The following CACNA2D2 variants were observed in gnomAD, a reference collection of about 807,000 sequenced individuals.
CACNA2D2 encodes voltage-dependent calcium channel subunit alpha-2/delta-2.
CACNA2D2 carries 48 observed loss-of-function variants against 166.4 expected under a neutral mutation model. That is an observed-to-expected ratio of 0.29 (90% CI 0.23 to 0.37). CACNA2D2 has a LOEUF of 0.37. Among genes scored for constraint, CACNA2D2 ranks in the 10% least tolerant of loss-of-function variants. The pLI is 1.00. For synonymous variants in CACNA2D2, 561 were observed against 573.7 expected, an observed-to-expected ratio of 0.98 and a Z score of 0.32; for missense variants, 1,122 against 1,433.0, an observed-to-expected ratio of 0.78 and a Z score of 3.50.
At chr3:50,447,226 A>C (rs1323971926) in intron 2 of CACNA2D2, among the ~76,000 whole-genome samples, 1 of 152,096 alleles carries the variant, frequency 6.6e-6, no homozygotes, top group Non-Finnish European at 1.5e-5. Flanking sequence ...GAATTCTGAG[A>C]AACTGTAAGG....
intron 2 of CACNA2D2, 105 bp from the exon 3 acceptor site, chr3:50,434,534 C>A: frequency 1.2e-6 from 1 of 809,514 alleles, no homozygotes; most frequent in Non-Finnish European, 2.1e-6. Context: ...AGTATTCACC[C>A]GCACCCAGAC....
At chr3:50,467,581 G>T (rs1213287029) in intron 2 of CACNA2D2, among the ~76,000 whole-genome samples, 1 of 152,180 alleles carries the variant, frequency 6.6e-6, no homozygotes, top group Non-Finnish European at 1.5e-5. Context: ...GCCCGCCTGC[G>T]TGTGTGCATA....
intron 1 of CACNA2D2, among the ~76,000 whole-genome samples, chr3:50,487,417 C>A (rs1486445001): frequency 6.6e-6 from 1 of 152,218 alleles, no homozygotes. Context: ...CCAATGCCCC[C>A]ACCAGGGAGC....
chr3:50,393,431 C>G (rs1440538567), intron 4 of CACNA2D2, among the ~76,000 whole-genome samples: 1 of 152,222 alleles, frequency 6.6e-6, no homozygotes, highest in Admixed American at 6.5e-5. Context: ...GATGCTGGCC[C>G]GAGGGCCGGT....
intron 3 of CACNA2D2, among the ~76,000 whole-genome samples, chr3:50,426,162 G>A (rs73833372): frequency 0.088 from 13,332 of 152,228 alleles, 1,772 homozygotes; most frequent in African/African-American, 0.29. Context: ...GAACTGTGAC[G>A]TTGCCTCACC....
intron 2 of CACNA2D2, among the ~76,000 whole-genome samples, chr3:50,456,152 T>A (rs1010165426): frequency 6.6e-5 from 10 of 152,116 alleles, no homozygotes; most frequent in African/African-American, 2.4e-4. Context: ...CATAGAGAAG[T>A]GGAGTCATTT....
intron 1 of CACNA2D2, among the ~76,000 whole-genome samples, chr3:50,482,446 T>C (rs1487414437): frequency 6.6e-6 from 1 of 152,240 alleles, no homozygotes; most frequent in East Asian, 1.9e-4. Flanking sequence ...AGACCTTTCC[T>C]GTTAGGCTTC....
At chr3:50,492,627 G>T (rs1374341129) in intron 1 of CACNA2D2, among the ~76,000 whole-genome samples, 2 of 152,348 alleles carry the variant, frequency 1.3e-5, no homozygotes, top group African/African-American at 4.8e-5. Context: ...TGTTCTACTG[G>T]GAGGGGGATT....
intron 2 of CACNA2D2, among the ~76,000 whole-genome samples, chr3:50,465,729 G>A (rs1709800969): frequency 6.6e-6 from 1 of 152,164 alleles, no homozygotes; most frequent in South Asian, 2.1e-4. Flanking sequence ...GGTCTCCCTG[G>A]CCTGCCTGCA....
chr3:50,488,154 G>C (rs1424373393), intron 1 of CACNA2D2, among the ~76,000 whole-genome samples: 1 of 152,176 alleles, frequency 6.6e-6, no homozygotes, highest in African/African-American at 2.4e-5. Context: ...CATATGCAAG[G>C]CCCAGCAGTG....
rs1216387135 is a variant in CACNA2D2 at position 50,427,376 on chromosome 3, G to A, written c.405+6937C>T. ...GGACCCCCAGCTGGCTCCTGTGGGC[G>A]GCAACTTGCCAGGAAGCAGCGGCAC... On this transcript the variant is annotated intron_variant, in intron 3 of 37. Transcript: ENST00000424201. This position sits in a 1 kb window ranked among gnomAD's most constrained non-coding sequence, Gnocchi z 4.7. Among the ~76,000 whole-genome samples, 2 of 152,230 alleles carry A rather than the reference G, an allele frequency of 1.3e-5. No individual in the cohort carries two copies. The highest frequency in any genetic ancestry group is 2.9e-5 in the Non-Finnish European group (2 of 68,034).
At chr3:50,445,799 T>C (rs532106471) in intron 2 of CACNA2D2, among the ~76,000 whole-genome samples, 1 of 152,166 alleles carries the variant, frequency 6.6e-6, no homozygotes, top group African/African-American at 2.4e-5. Flanking sequence ...AATGCAGGGG[T>C]GGGGTTACCA....
chr3:50,471,679 G>A (rs1710103329), intron 2 of CACNA2D2, among the ~76,000 whole-genome samples: 1 of 152,200 alleles, frequency 6.6e-6, no homozygotes, highest in Non-Finnish European at 1.5e-5. Flanking sequence ...GACAGGGGGA[G>A]GCCTGTCTCA....
intron 2 of CACNA2D2, among the ~76,000 whole-genome samples, chr3:50,453,238 C>T (rs904982094): frequency 6.6e-6 from 1 of 152,178 alleles, no homozygotes; most frequent in Non-Finnish European, 1.5e-5. Context: ...CTCCAGGAAG[C>T]CTTCCCTAAA....
chr3:50,380,972 A>C lies in CACNA2D2; in HGVS notation c.784+23T>G. 6.2e-7 allele frequency: 1 copy of C among 1,612,958 alleles called. No individual in the cohort carries two copies. The highest frequency in any genetic ancestry group is 8.5e-7 in the Non-Finnish European group (1 of 1,179,262). Reference sequence around the variant, plus strand: ...GAGAAAGGCGAGGTGCTGGGTAGACAGGGGACAGGGGCTGGTACCTACCCG... The same window carrying C: ...GAGAAAGGCGAGGTGCTGGGTAGACCGGGGACAGGGGCTGGTACCTACCCG... On this transcript the variant is annotated intron_variant, in intron 7 of 37. Coordinates refer to ENST00000424201, the MANE Select transcript of CACNA2D2 (RefSeq NM_006030.4). The surrounding 1 kb of genome is among the most constrained non-coding windows in gnomAD (Gnocchi z 4.9).
intron 3 of CACNA2D2, 26 bp from the exon 4 acceptor site, chr3:50,394,194 AG>A (rs745491538): frequency 6.2e-7 from 1 of 1,610,560 alleles, no homozygotes; most frequent in Non-Finnish European, 8.5e-7. Flanking sequence ...CAGGGAGGTC[AG>A]AAGCGGAGGA....
At chr3:50,471,676 G>T (rs2107067132) in intron 2 of CACNA2D2, among the ~76,000 whole-genome samples, 1 of 152,340 alleles carries the variant, frequency 6.6e-6, no homozygotes, top group South Asian at 2.1e-4. Flanking sequence ...GGGGACAGGG[G>T]GAGGCCTGTC....
chr3:50,455,453 G>C (rs560001351), intron 2 of CACNA2D2, among the ~76,000 whole-genome samples: 2 of 152,312 alleles, frequency 1.3e-5, no homozygotes, highest in South Asian at 4.1e-4. Context: ...CTCCCTCCAC[G>C]CTCCAGAGCT....
chr3:50,492,029 A>T (rs1181171870), intron 1 of CACNA2D2, among the ~76,000 whole-genome samples: 11 of 152,210 alleles, frequency 7.2e-5, no homozygotes, highest in Non-Finnish European at 1.6e-4. Flanking sequence ...GGTGCTGACC[A>T]ATGACACCCA....
Sources: gnomAD v4.1 joint callset for allele counts (sites outside exome capture counted in the v4.1 genomes callset) on GRCh38, gnomAD v4.1.1 for gene constraint, Gnocchi (gnomAD v3.1) non-coding constraint, MANE v1.5 for transcripts, NCBI Gene and HGNC (gene_info 2026-07-23, HGNC 2026-07-21) for gene names.